The following FBXO4 variants were observed in gnomAD, a reference collection of about 807,000 sequenced individuals.
FBXO4 encodes F-box protein 4.
A neutral mutation model predicts 43.7 loss-of-function variants in FBXO4; 36 were observed. That is an observed-to-expected ratio of 0.82 (90% CI 0.63 to 1.09). The LOEUF (loss-of-function observed/expected upper bound fraction) is 1.09. Ranked by LOEUF, FBXO4 falls within the 50% of genes least tolerant of loss-of-function variation. FBXO4 has a pLI of 0.00. For missense variants in FBXO4, 435 were observed against 474.1 expected (o/e 0.92, Z 0.77); for synonymous variants, 180 against 165.6 (o/e 1.09, Z -0.67).
chr5:42,027,581 A>G, the FBXO4 span, among the ~76,000 whole-genome samples: 1 of 151,358 alleles, frequency 6.6e-6, no homozygotes, highest in Non-Finnish European at 1.5e-5. Context: ...TCTTCTACCA[A>G]TTTTGGGTTT....
downstream of FBXO4, among the ~76,000 whole-genome samples, chr5:41,944,529 A>G (rs926816212): frequency 3.3e-5 from 5 of 152,216 alleles, no homozygotes; most frequent in Non-Finnish European, 7.3e-5. Flanking sequence ...ATCATGATGA[A>G]TTACAATATC....
At chr5:41,996,148 C>T in the FBXO4 span, among the ~76,000 whole-genome samples, 1 of 152,196 alleles carries the variant, frequency 6.6e-6, no homozygotes, top group Non-Finnish European at 1.5e-5. Context: ...ATTTGAGCCA[C>T]TTCCTCATGT....
At chr5:41,957,684 A>G in the FBXO4 span, among the ~76,000 whole-genome samples, 2 of 151,776 alleles carry the variant, frequency 1.3e-5, no homozygotes, top group Non-Finnish European at 2.9e-5. Context: ...ATCATATTTT[A>G]AAGTCCCTCT....
downstream of FBXO4, among the ~76,000 whole-genome samples, chr5:41,946,515 C>G (rs1752079353): frequency 6.6e-6 from 1 of 152,140 alleles, no homozygotes; most frequent in Admixed American, 6.5e-5. Context: ...AAAGCACTTG[C>G]CTTGAGTAAT....
the FBXO4 span, among the ~76,000 whole-genome samples, chr5:42,007,597 T>A: frequency 1.3e-5 from 2 of 152,158 alleles, no homozygotes; most frequent in Non-Finnish European, 2.9e-5. Context: ...CCTTGCTTAA[T>A]CTCTGTAGCT....
chr5:41,967,207 T>TG, the FBXO4 span: 24 of 496,564 alleles, frequency 4.8e-5, no homozygotes, highest in Admixed American at 3.7e-4. Flanking sequence ...CACTTTTTTT[T>TG]TGTGGCAATT....
Position 41,925,944 on chromosome 5 carries a change from C to T in FBXO4, c.189+446C>T, listed in dbSNP as rs151048194. On this transcript the variant is annotated intron_variant, in intron 1 of 6. Transcript: ENST00000281623. ...CTTGGAGGGCCAAGGTTTTTACCCT[C>T]TCAAGAGGACATTGTGCCTGTGGCT... 5.3e-5 allele frequency among the ~76,000 whole-genome samples: 8 copies of T among 152,282 alleles called. No homozygotes were observed. In the East Asian group the frequency reaches 1.6e-3, roughly 30 times the overall value.
the FBXO4 span, among the ~76,000 whole-genome samples, chr5:42,010,698 T>G: frequency 1.3e-5 from 2 of 152,092 alleles, no homozygotes; most frequent in African/African-American, 4.8e-5. Context: ...TTCAATTATC[T>G]TAGGTATATA....
chr5:41,944,083 A>G (rs992245690), downstream of FBXO4, among the ~76,000 whole-genome samples: 3 of 152,184 alleles, frequency 2.0e-5, no homozygotes, highest in African/African-American at 7.2e-5. Context: ...CACTCGGTCT[A>G]TGGTGTTTCA....
intron 3 of FBXO4, among the ~76,000 whole-genome samples, chr5:41,933,006 A>G (rs1352082352): frequency 1.3e-5 from 2 of 152,196 alleles, no homozygotes; most frequent in African/African-American, 4.8e-5. Flanking sequence ...TAGTCACCCT[A>G]CTAGGAGTTT....
chr5:41,986,440 A>G, the FBXO4 span, among the ~76,000 whole-genome samples: 6 of 152,142 alleles, frequency 3.9e-5, no homozygotes, highest in African/African-American at 1.4e-4. Context: ...ACAAAGAAGG[A>G]TTGAGTTATT....
chr5:41,991,654 C>G, the FBXO4 span, among the ~76,000 whole-genome samples: 3 of 152,146 alleles, frequency 2.0e-5, no homozygotes, highest in Admixed American at 2.0e-4. Flanking sequence ...TTTTTGCTCT[C>G]TCCTAAAATC....
At chr5:41,994,499 G>A in the FBXO4 span, among the ~76,000 whole-genome samples, 1 of 152,074 alleles carries the variant, frequency 6.6e-6, no homozygotes, top group South Asian at 2.1e-4. Flanking sequence ...CTGATGGAGT[G>A]ACCCCAACCT....
At chr5:41,985,553 G>A in the FBXO4 span, among the ~76,000 whole-genome samples, 1 of 152,238 alleles carries the variant, frequency 6.6e-6, no homozygotes, top group East Asian at 1.9e-4. Flanking sequence ...TTCAGGTTTG[G>A]TGAGGTAGTA....
the FBXO4 span, among the ~76,000 whole-genome samples, chr5:42,032,450 T>C: frequency 6.6e-6 from 1 of 152,084 alleles, no homozygotes; most frequent in African/African-American, 2.4e-5. Flanking sequence ...TCACAAGGCA[T>C]AGTCCTTCCC....
chr5:41,967,527 G>T, the FBXO4 span: 2 of 902,586 alleles, frequency 2.2e-6, no homozygotes, highest in Admixed American at 1.8e-5. Context: ...TCACCTCCGT[G>T]ACGTTCATGC....
the FBXO4 span, among the ~76,000 whole-genome samples, chr5:42,003,426 G>A: frequency 7.2e-5 from 11 of 152,298 alleles, no homozygotes; most frequent in South Asian, 2.3e-3. Context: ...GGAATTGAAT[G>A]TTGGCTTGGT....
the FBXO4 span, among the ~76,000 whole-genome samples, chr5:42,011,122 G>T: frequency 6.6e-6 from 1 of 152,108 alleles, no homozygotes; most frequent in African/African-American, 2.4e-5. Context: ...TTCCTGATGG[G>T]CTAGAATAAT....
At chr5:42,021,582 A>G in the FBXO4 span, among the ~76,000 whole-genome samples, 1 of 152,138 alleles carries the variant, frequency 6.6e-6, no homozygotes, top group Non-Finnish European at 1.5e-5. Context: ...CATGGTTACA[A>G]TTAAAAAATT....
Sources: allele counts gnomAD v4.1 joint callset (sites outside exome capture counted in the v4.1 genomes callset), GRCh38; gene constraint gnomAD v4.1.1; transcripts MANE v1.5; gene names NCBI Gene and HGNC (gene_info 2026-07-23, HGNC 2026-07-21).